AMOT: variants seen among roughly 807,000 people sequenced by gnomAD.
AMOT encodes the protein angiomotin.
Under a neutral mutation model 67.0 loss-of-function variants are expected in AMOT, and 11 were observed. The ratio of observed to expected loss-of-function variants is 0.16; its 90% confidence interval spans 0.10 to 0.27. The LOEUF (loss-of-function observed/expected upper bound fraction) is 0.27. AMOT is among the 10% of genes least tolerant of loss of function. The pLI, the probability that AMOT is intolerant of heterozygous loss-of-function variation, is 1.00. For synonymous variants in AMOT, 326 were observed against 321.4 expected (o/e 1.01, Z -0.15); for missense variants, 753 against 852.0 (o/e 0.88, Z 1.45).
intron 4 of AMOT, among the ~76,000 whole-genome samples, chrX:112,822,012 G>A (rs17004059): frequency 0.22 from 24,663 of 111,592 alleles, 3,278 homozygotes; most frequent in African/African-American, 0.5. Flanking sequence ...GCTCCTGTTC[G>A]TCCACTAGGC....
At chrX:112,794,954 A>C (rs1933749101) in intron 8 of AMOT, among the ~76,000 whole-genome samples, 1 of 111,368 alleles carries the variant, frequency 9.0e-6, no homozygotes, top group Non-Finnish European at 1.9e-5. Context: ...ATGCAAATAT[A>C]GCCATTTTCC....
At chrX:112,811,129 A>T in intron 6 of AMOT, 120 bp downstream of exon 6, 1 of 937,902 alleles carries the variant, frequency 1.1e-6, no homozygotes, top group Non-Finnish European at 1.5e-6. Flanking sequence ...CCAGCCATTT[A>T]CTGCCCATAC....
chrX:112,799,614 G>A (rs187085279), intron 8 of AMOT, among the ~76,000 whole-genome samples: 122 of 111,994 alleles, frequency 1.1e-3, no homozygotes, highest in Admixed American at 2.8e-3. Flanking sequence ...TCCAAGTAAG[G>A]GTTCATGCTG....
intron 1 of AMOT, among the ~76,000 whole-genome samples, chrX:112,835,426 A>C (rs1194566354): frequency 9.1e-6 from 1 of 109,931 alleles, no homozygotes; most frequent in Non-Finnish European, 1.9e-5. Flanking sequence ...ACCCATTTGC[A>C]TTTTCTCCAG....
chrX:112,790,521 A>G, intron 10 of AMOT, 71 bp downstream of exon 10: 1 of 1,066,890 alleles, frequency 9.4e-7, no homozygotes, highest in Non-Finnish European at 1.2e-6. Flanking sequence ...AGAAAATAAA[A>G]CACTGGAAAA....
At chrX:112,813,036 G>A (rs1057357040) in intron 5 of AMOT, among the ~76,000 whole-genome samples, 1 of 112,759 alleles carries the variant, frequency 8.9e-6, no homozygotes, top group Non-Finnish European at 1.9e-5. Flanking sequence ...CTCAAGCGCT[G>A]GGGAGAGAAA....
intron 7 of AMOT, among the ~76,000 whole-genome samples, chrX:112,807,538 C>A (rs1272266318): frequency 9.2e-6 from 1 of 108,284 alleles, no homozygotes; most frequent in Non-Finnish European, 1.9e-5. Context: ...CATATGCTAA[C>A]GGCTCTAATA....
chrX:112,813,306 C>T (rs1934430039), intron 5 of AMOT, among the ~76,000 whole-genome samples: 1 of 111,801 alleles, frequency 8.9e-6, no homozygotes, highest in South Asian at 3.8e-4. Flanking sequence ...GATATATCCA[C>T]TGGTTTGGGC....
At chrX:112,827,136 CG>C (rs1934863260) in intron 2 of AMOT, among the ~76,000 whole-genome samples, 2 of 112,620 alleles carry the variant, frequency 1.8e-5, no homozygotes, top group East Asian at 5.6e-4. Flanking sequence ...GGATTACAGG[CG>C]TGAGCCACCA....
chrX:112,800,025 G>T (rs1933961812), intron 8 of AMOT, among the ~76,000 whole-genome samples: 1 of 111,305 alleles, frequency 9.0e-6, no homozygotes, highest in African/African-American at 3.3e-5. Flanking sequence ...TTGAAGTCAG[G>T]AGTTCGAGAA....
chrX:112,801,029 C>G (rs946337607), intron 8 of AMOT, among the ~76,000 whole-genome samples: 2 of 111,686 alleles, frequency 1.8e-5, no homozygotes, highest in Non-Finnish European at 3.8e-5. Flanking sequence ...GTTCAGTAAG[C>G]AGCCCACCCG....
chrX:112,815,790 C>T lies in AMOT; in HGVS notation c.960G>A (p.Leu320=). 1 of 1,167,273 alleles carries T rather than the reference C, an allele frequency of 8.6e-7. No homozygotes were observed. The highest frequency in any genetic ancestry group is 1.1e-6 in the Non-Finnish European group (1 of 872,957). Residue 320 remains leucine, a synonymous_variant, in exon 5 of 14, where the codon TTG becomes TTA. Transcript: ENST00000371959. The stretch of plus-strand genomic sequence containing the variant: ...TGGATGGTGGAGATTGTAGCAAGGG[C>T]AAGGACCCCCCAGAGGTCAGAGAAG... ...PTSSLTSGGS[L]PLLQSPPSTR... is the part of the protein sequence containing the mutation.
chrX:112,836,684 T>TTAAATGAGGCCTAGAAAG (rs1569408908), intron 1 of AMOT, among the ~76,000 whole-genome samples: 3 of 110,387 alleles, frequency 2.7e-5, no homozygotes, highest in African/African-American at 6.6e-5. Context: ...TGTTAAAATG[T>TTAAATGAGGCCTAGAAAG]AAAACATAAT....
At chrX:112,793,593 C>G (rs991232381) in intron 8 of AMOT, among the ~76,000 whole-genome samples, 6 of 112,219 alleles carry the variant, frequency 5.3e-5, no homozygotes, top group African/African-American at 1.9e-4. Flanking sequence ...GGAACCCTAT[C>G]TTGTATTTTC....
intron 8 of AMOT, among the ~76,000 whole-genome samples, chrX:112,804,081 CAT>C (rs1484252529): frequency 2.7e-5 from 3 of 111,535 alleles, no homozygotes; most frequent in Non-Finnish European, 5.6e-5. Flanking sequence ...CTCTATTTCA[CAT>C]GAGTACAGTT....
chrX:112,805,370 TACACACACACACACACAC>T (rs55909349), intron 7 of AMOT, among the ~76,000 whole-genome samples: 53 of 89,589 alleles, frequency 5.9e-4, no homozygotes, highest in African/African-American at 1.8e-3. Flanking sequence ...ATACAAAGAA[TACACACACACACACACAC>T]ACACACACAC....
chrX:112,779,267 C>A lies in AMOT; in HGVS notation c.2887G>T (p.Ala963Ser). Residue 963 changes from alanine to serine, a missense_variant, in exon 13 of 14, where the codon GCT becomes TCT. Physicochemically the swap from Ala to Ser is moderately conservative, Grantham distance 99 (BLOSUM62 1). Transcript: ENST00000371959. ...ACCTGAACAGCAGCAGCAGCAGCAG[C>A]AGAAGGAGCAACGGCAGCAGCTGAG... The part of the protein sequence containing the change: ...VASAAAVAPS[A>S]AAAAAVQVAP... 1.6e-6 allele frequency: 1 copy of A among 638,507 alleles called. No homozygotes were observed. Among genetic ancestry groups the A allele is most frequent in the East Asian group, 3.3e-5 (1 of 29,856 alleles). The allele number at this position is 638,507 out of a possible 1,213,427, so 52.6% of individuals were successfully genotyped here.
intron 9 of AMOT, 147 bp downstream of exon 9, chrX:112,791,684 TG>T: frequency 1.4e-6 from 1 of 718,889 alleles, no homozygotes; most frequent in Non-Finnish European, 2.0e-6. Context: ...GGAGGCACTC[TG>T]GAGTAAGATT....
At chrX:112,799,200 C>CT (rs1569396509) in intron 8 of AMOT, among the ~76,000 whole-genome samples, 1 of 112,112 alleles carries the variant, frequency 8.9e-6, no homozygotes. Flanking sequence ...TCTGTCTGTA[C>CT]TTTAATTTCT....
Sources: allele counts gnomAD v4.1 joint callset (sites outside exome capture counted in the v4.1 genomes callset), GRCh38; gene constraint gnomAD v4.1.1; transcripts MANE v1.5; gene names NCBI Gene and HGNC (gene_info 2026-07-23, HGNC 2026-07-21).